The following ASPM variants were observed in gnomAD, a reference collection of about 807,000 sequenced individuals.
The protein encoded by ASPM is abnormal spindle-like microcephaly-associated protein.
In ASPM, 256 loss-of-function variants were observed where a neutral mutation model predicts 366.4. The observed-to-expected ratio is 0.70, with a 90% CI of 0.63 to 0.77. The LOEUF is 0.77. ASPM is among the 30% of genes least tolerant of loss of function. The pLI is 0.00. For synonymous variants in ASPM, 1,414 were observed against 1,342.9 expected (o/e 1.05, Z -1.16); for missense variants, 4,146 against 4,090.4 (o/e 1.01, Z -0.37).
intron 7 of ASPM, 88 bp from the exon 8 acceptor site, chr1:197,130,144 G>C: frequency 7.3e-7 from 1 of 1,364,398 alleles, no homozygotes; most frequent in African/African-American, 1.4e-5. Context: ...CATAACCTAA[G>C]GAACTGGCAA....
Position 197,122,144 on chromosome 1 carries a change from T to A in ASPM, c.3741+15A>T, listed in dbSNP as rs562910568. Reference sequence around the variant, plus strand: ...TATTATTGAATTAATAATTAGAAACTCTTCTTTTACTTACCTTTTCATCTG... The same window carrying A: ...TATTATTGAATTAATAATTAGAAACACTTCTTTTACTTACCTTTTCATCTG... On this transcript the variant is annotated intron_variant, in intron 15 of 27. Transcript: ENST00000367409. 6.2e-7 allele frequency: 1 copy of A among 1,601,298 alleles called. No homozygotes were observed. The highest frequency in any genetic ancestry group is 8.6e-7 in the Non-Finnish European group (1 of 1,169,218).
Position 197,103,458 on chromosome 1 carries a change from G to A in ASPM, c.5793C>T (p.Phe1931=). 1 of 1,613,274 alleles carries A rather than the reference G, an allele frequency of 6.2e-7. No individual in the cohort carries two copies. The highest frequency in any genetic ancestry group is 8.5e-7 in the Non-Finnish European group (1 of 1,179,498). Residue 1931 remains phenylalanine, a synonymous_variant, in exon 18 of 28, where the codon TTC becomes TTT. Transcript: ENST00000367409. ...GCTTCCTTCCTGCAGTCCATGCTCT[G>A]AAATTTTGCTGGATGACTAATGCTG... The part of the protein sequence containing the change: ...KTAALVIQQN[F]RAWTAGRKQC...
At position 197,089,991 on chromosome 1, in the gene ASPM, C is replaced by A. The variant is rs201362977; in HGVS notation, c.9923G>T (p.Arg3308Leu). ...KIFVLIRSCN[R>L]SIPCMEVIRY... ...GATGACTTCCATACAAGGAATACTG[C>A]GATTACAACTTCGGATCAAAACAAA... is the stretch of plus-strand genomic sequence containing the variant. Residue 3308 changes from arginine to leucine, a missense_variant, in exon 25 of 28, where the codon CGC becomes CTC. By Grantham distance (102) the Arg-to-Leu change is moderately radical (BLOSUM62 -2). Coordinates refer to ENST00000367409, the MANE Select transcript of ASPM (RefSeq NM_018136.5). 1 of 1,613,092 alleles carries A rather than the reference C, an allele frequency of 6.2e-7. No homozygotes were observed. Among genetic ancestry groups the A allele is most frequent in the Non-Finnish European group, 8.5e-7 (1 of 1,179,452 alleles).
intron 18 of ASPM, among the ~76,000 whole-genome samples, chr1:197,099,461 T>C (rs766477035): frequency 4.6e-5 from 7 of 151,672 alleles, no homozygotes; most frequent in Admixed American, 6.6e-5. Flanking sequence ...TACTGGGCTA[T>C]TTCTAATTCA....
chr1:197,102,487 G>A lies in ASPM; in HGVS notation c.6764C>T (p.Ala2255Val), dbSNP rs1229984828. The A allele has an allele frequency of 1.9e-6, 3 of 1,612,502 alleles. No individual in the cohort carries two copies. Among genetic ancestry groups the A allele is most frequent in the Non-Finnish European group, 1.7e-6 (2 of 1,179,278 alleles). The change falls in exon 18 of 28, where the codon GCT becomes GTT. Residue 2255 changes from alanine to valine, a missense_variant. Physicochemically the swap from Ala to Val is moderately conservative, Grantham distance 64. Around this residue, in one of 3 missense-constraint regions of ASPM, gnomAD observed 3,624 missense variants for 3,591.7 expected, o/e 1.01. Coordinates refer to ENST00000367409, the MANE Select transcript of ASPM (RefSeq NM_018136.5). ...YIQAIFRGKK[A>V]RRHLKMMHIA... is the part of the protein sequence containing the mutation. Reference sequence around the variant, plus strand: ...ATGCATCATTTTTAAATGTCTTCTAGCTTTCTTTCCCCTAAAAATAGCCTG... The same window carrying A: ...ATGCATCATTTTTAAATGTCTTCTAACTTTCTTTCCCCTAAAAATAGCCTG...
Position 197,100,687 on chromosome 1 carries a change from C to T in ASPM, c.8564G>A (p.Arg2855Lys), listed in dbSNP as rs557887201. The T allele has an allele frequency of 6.2e-7, 1 of 1,612,362 alleles. No individual in the cohort carries two copies. The highest frequency in any genetic ancestry group is 1.1e-5 in the South Asian group (1 of 91,056). Residue 2855 changes from arginine (R) to lysine (K), a missense_variant, in exon 18 of 28, where the codon AGA (arginine) becomes AAA (lysine). Transcript: ENST00000367409. The stretch of plus-strand genomic sequence containing the variant: ...AGCAGCTCTTTTCTGCTGAACAAAT[C>T]TTCTCCGATACACAGCCATCTGAAG... ...FFLQMAVYRR[R>K]FVQQKRAAIT...
In ASPM at chr1:197,093,254, C is replaced by G; in HGVS notation, c.9092G>C (p.Arg3031Pro). Residue 3031 changes from arginine (R) to proline (P), a missense_variant, in exon 21 of 28, where the codon CGA becomes CCA. By Grantham distance (103) the Arg-to-Pro change is moderately radical. Transcript: ENST00000367409. Reference protein sequence around the residue: ...HEHFLMIKRHRAACLIQAHYR... With the variant: ...HEHFLMIKRHPAACLIQAHYR... Reference sequence around the variant, plus strand: ...ATGTGCTTGGATCAAACAAGCAGCTCGATGTCTCTATAAGGAAAAATTTAC... The same window carrying G: ...ATGTGCTTGGATCAAACAAGCAGCTGGATGTCTCTATAAGGAAAAATTTAC... 1 of 1,611,492 alleles carries G rather than the reference C, an allele frequency of 6.2e-7. No individual in the cohort carries two copies. Among genetic ancestry groups the G allele is most frequent in the East Asian group, 2.2e-5 (1 of 44,830 alleles).
At chr1:197,085,279 T>C (rs761451496) in intron 27 of ASPM, among the ~76,000 whole-genome samples, 3 of 152,172 alleles carry the variant, frequency 2.0e-5, no homozygotes, top group Admixed American at 6.6e-5. Flanking sequence ...AAATGAGCAT[T>C]TGAAATTGCC....
chr1:197,122,313 G>C lies in ASPM; in HGVS notation c.3599-12C>G, dbSNP rs567865981. On this transcript the variant is annotated splice_polypyrimidine_tract_variant and intron_variant, in intron 14 of 27. Coordinates refer to ENST00000367409, the MANE Select transcript of ASPM (RefSeq NM_018136.5). ...CTCTGAAGTATTTTCTATTATGCAG[G>C]AGGAAAGGAGAAATTAGCCGTAGCT... The C allele has an allele frequency of 4.3e-6, 7 of 1,613,552 alleles. No individual in the cohort carries two copies. The African/African-American group carries it at 9.3e-5, about 22-fold the overall frequency.
rs1307310176 is a variant in ASPM at position 197,104,262 on chromosome 1, T to C, written c.4989A>G (p.Gln1663=). 1.8e-5 allele frequency: 29 copies of C among 1,612,974 alleles called. No individual in the cohort carries two copies. The highest frequency in any genetic ancestry group is 2.3e-5 in the Non-Finnish European group (27 of 1,179,410). ...TAGAAACATAAGCACGATAATATGA[T>C]TGAATCTTTATAACAGATGTGAGGA... The part of the protein sequence containing the change: ...IHILTSVIKI[Q]SYYRAYVSKK... Residue 1663 remains glutamine (Q), a synonymous_variant, in exon 18 of 28, where the codon CAA becomes CAG. Transcript: ENST00000367409.
intron 16 of ASPM, among the ~76,000 whole-genome samples, chr1:197,118,494 G>A (rs1003241045): frequency 6.6e-5 from 10 of 152,114 alleles, no homozygotes; most frequent in African/African-American, 1.9e-4. Flanking sequence ...AAAAAGTATA[G>A]TTTGGGCTAT....
At chr1:197,117,178 T>C (rs1657761020) in intron 17 of ASPM, among the ~76,000 whole-genome samples, 1 of 152,066 alleles carries the variant, frequency 6.6e-6, no homozygotes, top group Non-Finnish European at 1.5e-5. Flanking sequence ...AAATCAGATA[T>C]ATTGATGGGG....
rs1413368546 is a variant in ASPM at position 197,133,531 on chromosome 1, A to G, written c.2238T>C (p.Pro746=). The change falls in exon 6 of 28, where the codon CCT becomes CCC. Residue 746 remains proline (P), a synonymous_variant. Transcript: ENST00000367409. ...CTCTGAGAGACATTTCCTCTTTTGT[A>G]GGTGCTCTAGGAACACTTATTTTAT... ...NQHKISVPRA[P]TKEEMSLRAY... 33 of 1,613,786 alleles carry G rather than the reference A, an allele frequency of 2.0e-5. No individual in the cohort carries two copies. The highest frequency in any genetic ancestry group is 2.7e-5 in the Non-Finnish European group (32 of 1,179,806).
At chr1:197,086,059 T>C (rs539597709) in intron 27 of ASPM, among the ~76,000 whole-genome samples, 7 of 152,288 alleles carry the variant, frequency 4.6e-5, no homozygotes, top group South Asian at 2.1e-4. Context: ...GAACTTTACA[T>C]TATGCTGTGA....
intron 17 of ASPM, among the ~76,000 whole-genome samples, chr1:197,108,217 GA>G (rs71286568): frequency 6.7e-6 from 1 of 150,194 alleles, no homozygotes; most frequent in African/African-American, 2.5e-5. Context: ...TGAACTGAAT[GA>G]AAAAAAAATA....
chr1:197,090,717 AGT>A, intron 23 of ASPM, 131 bp downstream of exon 23: 1 of 802,732 alleles, frequency 1.2e-6, no homozygotes, highest in Non-Finnish European at 2.0e-6. Context: ...ATGGTAGTAT[AGT>A]GCTTATGAGT....
At chr1:197,116,346 T>C (rs1657735212) in intron 17 of ASPM, among the ~76,000 whole-genome samples, 1 of 152,172 alleles carries the variant, frequency 6.6e-6, no homozygotes, top group East Asian at 1.9e-4. Context: ...TCACACTTCC[T>C]ATCAAAGATC....
At position 197,103,910 on chromosome 1, in the gene ASPM, T is replaced by C. The variant is rs757908464; in HGVS notation, c.5341A>G (p.Ile1781Val). The change falls in exon 18 of 28, where the codon ATT (isoleucine) becomes GTT (valine). Residue 1781 changes from isoleucine (I) to valine (V), a missense_variant. Ile to Val is a conservative substitution (Grantham distance 29, BLOSUM62 3). Around this residue, in one of 3 missense-constraint regions of ASPM, gnomAD observed 3,624 missense variants for 3,591.7 expected, o/e 1.01. Transcript: ENST00000367409. ...YLKMYKAIIV[I>V]QNYYHAYKAQ... is the part of the protein sequence containing the mutation. Reference sequence around the variant, plus strand: ...TTGTATGCATGATAGTAATTCTGAATGACAATAATTGCTTTATACATTTTC... The same window carrying C: ...TTGTATGCATGATAGTAATTCTGAACGACAATAATTGCTTTATACATTTTC... 1.2e-6 allele frequency: 2 copies of C among 1,612,706 alleles called. No homozygotes were observed. The highest frequency in any genetic ancestry group is 2.2e-5 in the South Asian group (2 of 91,054).
intron 25 of ASPM, 112 bp downstream of exon 25, chr1:197,089,818 T>G: frequency 9.7e-7 from 1 of 1,034,546 alleles, no homozygotes; most frequent in Non-Finnish European, 1.5e-6. Flanking sequence ...CTCTTGCACA[T>G]AAATGAATTT....
Sources: gnomAD v4.1 joint callset for allele counts (sites outside exome capture counted in the v4.1 genomes callset) on GRCh38, gnomAD v4.1.1 for gene constraint, gnomAD v4.1.1 regional missense constraint, MANE v1.5 for transcripts, NCBI Gene and HGNC (gene_info 2026-07-23, HGNC 2026-07-21) for gene names.